PRH1: variants seen among roughly 807,000 people sequenced by gnomAD.
The protein encoded by PRH1 is salivary acidic proline-rich phosphoprotein 1/2.
Under a neutral mutation model 7.9 loss-of-function variants are expected in PRH1, and 7 were observed. The observed-to-expected ratio is 0.89, with a 90% CI of 0.50 to 1.67. The LOEUF (loss-of-function observed/expected upper bound fraction) is 1.67, where lower values mean the gene tolerates loss of function less well. Ranked by LOEUF, PRH1 falls within the 40% of genes most tolerant of loss-of-function variation. The probability of loss-of-function intolerance (pLI) is 0.00; values close to 1 mark genes in which losing one functional copy is unlikely to be tolerated. For missense variants in PRH1, 109 were observed against 223.6 expected (o/e 0.49, Z 3.27); for synonymous variants, 45 against 80.8 (o/e 0.56, Z 2.38).
rs190453729 is a variant in PRH1 at position 10,971,874 on chromosome 12, G to T, written c.-59+1781C>A. Reference sequence around the variant, plus strand: ...TACTCTTTTATCATTCTATGATTGTGATTTTATACACATTTCTCAAGAATG... The same window carrying T: ...TACTCTTTTATCATTCTATGATTGTTATTTTATACACATTTCTCAAGAATG... On this transcript the variant is annotated intron_variant, in intron 2 of 3. Coordinates refer to the PRH1 transcript ENST00000539853. 5.6e-4 allele frequency among the ~76,000 whole-genome samples: 85 copies of T among 152,092 alleles called. 1 individual carries two copies. Among genetic ancestry groups the T allele is most frequent in the Admixed American group, 5.5e-3 (84 of 15,296 alleles).
In PRH1 at chr12:11,094,227, C is replaced by T. The variant is rs1473003651; in HGVS notation, n.124-47039G>A. 4.0e-5 allele frequency among the ~76,000 whole-genome samples: 4 copies of T among 100,264 alleles called. 1 individual carries two copies. The highest frequency in any genetic ancestry group is 1.1e-4 in the African/African-American group (3 of 27,918). The allele number at this position is 100,264 out of a possible 152,430, so 65.8% of individuals were successfully genotyped here. On this transcript the variant is annotated intron_variant and non_coding_transcript_variant, in intron 1 of 4. Coordinates refer to the PRH1 transcript ENST00000541977. ...TGAGGCAGGAGAATGGCGTGAACCCCGGAGGCGGAGGTTGCAGTAAACTGA... is the reference window on the plus strand; with the variant it reads ...TGAGGCAGGAGAATGGCGTGAACCCTGGAGGCGGAGGTTGCAGTAAACTGA...
upstream of PRH1, among the ~76,000 whole-genome samples, chr12:10,888,700 G>C (rs1173947431): frequency 6.6e-6 from 1 of 151,942 alleles, no homozygotes; most frequent in African/African-American, 2.4e-5. Flanking sequence ...TTCTATTTTA[G>C]TTGATCCGTA....
intron 1 of PRH1, among the ~76,000 whole-genome samples, chr12:11,167,425 C>T (rs530905112): frequency 6.6e-6 from 1 of 151,468 alleles, no homozygotes; most frequent in Admixed American, 6.6e-5. Flanking sequence ...ATTCATGTCT[C>T]CTATTTGGAA....
At chr12:10,986,640 G>T in intron 1 of PRH1, 1 of 1,613,262 alleles carries the variant, frequency 6.2e-7, no homozygotes, top group South Asian at 1.1e-5. Context: ...ACTATAAAAA[G>T]CTGGATTCAA....
At chr12:11,001,097 G>C (rs1357237686) in intron 1 of PRH1, among the ~76,000 whole-genome samples, 2 of 151,556 alleles carry the variant, frequency 1.3e-5, no homozygotes. Flanking sequence ...TAAAAGCTTG[G>C]TCTACACATC....
chr12:10,930,215 G>A, intron 2 of PRH1: 1 of 1,576,436 alleles, frequency 6.3e-7, no homozygotes, highest in Non-Finnish European at 8.7e-7. Flanking sequence ...AACACTATGA[G>A]CTCTGAATGA....
intron 1 of PRH1, chr12:11,061,756 G>T (rs1346697664): frequency 6.2e-7 from 1 of 1,614,080 alleles, no homozygotes; most frequent in Non-Finnish European, 8.5e-7. Flanking sequence ...TGCTAGGATG[G>T]TTACCGTTGT....
intron 2 of PRH1, among the ~76,000 whole-genome samples, chr12:10,934,572 A>G (rs939255054): frequency 2.6e-5 from 4 of 152,076 alleles, no homozygotes; most frequent in Non-Finnish European, 4.4e-5. Context: ...TATCACATGT[A>G]CCTGTTATAC....
chr12:11,054,004 A>G (rs537218386), intron 1 of PRH1, among the ~76,000 whole-genome samples: 1 of 152,242 alleles, frequency 6.6e-6, no homozygotes, highest in Admixed American at 6.5e-5. Flanking sequence ...TATTTTTAGT[A>G]GACAGTGGGT....
At chr12:10,882,075 C>G (rs1331867256) in intron 3 of PRH1, 142 bp downstream of exon 3, 2 of 1,480,888 alleles carry the variant, frequency 1.4e-6, no homozygotes, top group Non-Finnish European at 1.8e-6. Flanking sequence ...ATACTCTATA[C>G]AAGAATATCT....
rs1262265895 is a variant in PRH1 at position 11,084,872 on chromosome 12, G to A, written n.124-37684C>T. Among the ~76,000 whole-genome samples, 7 of 111,832 alleles carry A rather than the reference G, an allele frequency of 6.3e-5. 2 individuals carry two copies. The highest frequency in any genetic ancestry group is 1.5e-4 in the African/African-American group (5 of 33,002). The allele number at this position is 111,832 out of a possible 152,430, so 73.4% of individuals were successfully genotyped here. On this transcript the variant is annotated intron_variant and non_coding_transcript_variant, in intron 1 of 4. Transcript: ENST00000541977. Reference sequence around the variant, plus strand: ...CTGTTGCCCAGGCTGGAGTGCAGTGGCATGATCTTGGCTCACTGCAAGCTC... The same window carrying A: ...CTGTTGCCCAGGCTGGAGTGCAGTGACATGATCTTGGCTCACTGCAAGCTC...
At chr12:11,044,670 A>G (rs1023885833) in intron 1 of PRH1, among the ~76,000 whole-genome samples, 1 of 152,222 alleles carries the variant, frequency 6.6e-6, no homozygotes, top group African/African-American at 2.4e-5. Context: ...GAAGATATAC[A>G]AATGTCAAAC....
chr12:11,119,017 A>G (rs1945814286), downstream of PRH1, among the ~76,000 whole-genome samples: 2 of 137,092 alleles, frequency 1.5e-5, no homozygotes, highest in Non-Finnish European at 3.2e-5. Context: ...AAAAAAAAAA[A>G]AAGAGGGAGA....
intron 1 of PRH1, among the ~76,000 whole-genome samples, chr12:11,108,468 T>C (rs758808559): frequency 1.3e-5 from 2 of 152,188 alleles, no homozygotes; most frequent in East Asian, 3.9e-4. Flanking sequence ...CTGAGTTACA[T>C]GGCTCATCTC....
upstream of PRH1, among the ~76,000 whole-genome samples, chr12:10,888,009 CAGTT>C (rs1468696720): frequency 1.3e-5 from 2 of 152,166 alleles, no homozygotes. Context: ...AGGTCTTACT[CAGTT>C]AGATCCACCT....
intron 2 of PRH1, chr12:10,908,449 C>T (rs761690864): frequency 6.2e-7 from 1 of 1,613,718 alleles, no homozygotes; most frequent in Non-Finnish European, 8.5e-7. Flanking sequence ...TTAGCGTTTC[C>T]TAGAATCAGA....
intron 1 of PRH1, among the ~76,000 whole-genome samples, chr12:10,989,843 T>G (rs1468635729): frequency 6.6e-6 from 1 of 152,236 alleles, no homozygotes; most frequent in African/African-American, 2.4e-5. Flanking sequence ...CTGTTGAAAA[T>G]AAGATTGTCA....
At chr12:11,123,075 A>G (rs1175825891) in intron 1 of PRH1, among the ~76,000 whole-genome samples, 1 of 152,184 alleles carries the variant, frequency 6.6e-6, no homozygotes, top group Non-Finnish European at 1.5e-5. Flanking sequence ...TGAACTGTGT[A>G]TAGGTGCAAT....
intron 2 of PRH1, among the ~76,000 whole-genome samples, chr12:10,912,838 G>A (rs867932325): frequency 3.3e-5 from 5 of 151,936 alleles, no homozygotes. Context: ...TTTGATAAAT[G>A]TTTTGTGTTT....
Sources: gnomAD v4.1 joint callset for allele counts (sites outside exome capture counted in the v4.1 genomes callset) on GRCh38, gnomAD v4.1.1 for gene constraint, MANE v1.5 for transcripts, NCBI Gene and HGNC (gene_info 2026-07-23, HGNC 2026-07-21) for gene names.